FNDC3A: variants seen among roughly 807,000 people sequenced by gnomAD.
The protein encoded by FNDC3A is fibronectin type III domain containing 3A.
FNDC3A carries 32 observed loss-of-function variants against 148.9 expected under a neutral mutation model. The ratio of observed to expected loss-of-function variants is 0.21; its 90% CI spans 0.16 to 0.29. The LOEUF is 0.29. FNDC3A is among the 10% of genes least tolerant of loss of function. The pLI is 1.00. For synonymous variants in FNDC3A, 472 were observed against 473.6 expected (o/e 1.00, Z 0.04); for missense variants, 1,191 against 1,452.8 (o/e 0.82, Z 2.93).
At chr13:49,171,031 C>T (rs894185596) in intron 10 of FNDC3A, among the ~76,000 whole-genome samples, 2 of 152,046 alleles carry the variant, frequency 1.3e-5, no homozygotes, top group African/African-American at 4.8e-5. Flanking sequence ...TGGAGTTTCC[C>T]AAAGATTCTT....
chr13:49,121,433 G>C (rs1450113478), intron 4 of FNDC3A, among the ~76,000 whole-genome samples: 1 of 152,132 alleles, frequency 6.6e-6, no homozygotes, highest in Non-Finnish European at 1.5e-5. Context: ...ACAATTAAAA[G>C]AACCAGAGAA....
chr13:49,011,490 C>T (rs549516087), intron 2 of FNDC3A, among the ~76,000 whole-genome samples: 2 of 152,162 alleles, frequency 1.3e-5, no homozygotes, highest in South Asian at 4.2e-4. Flanking sequence ...CACCTCGGTC[C>T]CCCAAAGTGC....
intron 2 of FNDC3A, among the ~76,000 whole-genome samples, chr13:49,012,805 A>ATGTGTGTGTGTGTGTG (rs61137549): frequency 0.07 from 9,383 of 134,410 alleles, 436 homozygotes; most frequent in Non-Finnish European, 0.082. Flanking sequence ...GCAATTATAA[A>ATGTGTGTGTGTGTGTG]TGTGTGTGTG....
chr13:49,179,842 T>C (rs995927487), intron 14 of FNDC3A, among the ~76,000 whole-genome samples: 1 of 152,202 alleles, frequency 6.6e-6, no homozygotes, highest in African/African-American at 2.4e-5. Context: ...AACTCTGGAA[T>C]TGGCCATTTC....
At chr13:49,097,416 C>G (rs895073748) in intron 3 of FNDC3A, among the ~76,000 whole-genome samples, 1 of 151,682 alleles carries the variant, frequency 6.6e-6, no homozygotes, top group Non-Finnish European at 1.5e-5. Context: ...GGAAACGCCA[C>G]CAAAGCAAAA....
At chr13:49,034,828 T>C (rs1383351141) in intron 2 of FNDC3A, among the ~76,000 whole-genome samples, 1 of 152,010 alleles carries the variant, frequency 6.6e-6, no homozygotes, top group Non-Finnish European at 1.5e-5. Flanking sequence ...GAGCAGTGAA[T>C]TCATATTTTA....
At chr13:49,080,791 A>G (rs533880766) in intron 3 of FNDC3A, among the ~76,000 whole-genome samples, 4 of 152,202 alleles carry the variant, frequency 2.6e-5, no homozygotes, top group African/African-American at 4.8e-5. Flanking sequence ...AGCATATTTC[A>G]TAGAGAATAT....
intron 2 of FNDC3A, among the ~76,000 whole-genome samples, chr13:49,049,174 G>T (rs1875639454): frequency 2.0e-5 from 3 of 152,106 alleles, no homozygotes; most frequent in Admixed American, 2.0e-4. Context: ...CATCATGGTG[G>T]ATTATCTTTT....
intron 14 of FNDC3A, among the ~76,000 whole-genome samples, chr13:49,183,788 TGA>T (rs1885425919): frequency 6.6e-6 from 1 of 152,228 alleles, no homozygotes; most frequent in African/African-American, 2.4e-5. Flanking sequence ...TAAACTTTAC[TGA>T]GTTCTGATGG....
intron 1 of FNDC3A, among the ~76,000 whole-genome samples, chr13:48,993,923 C>G (rs1168940245): frequency 6.6e-6 from 1 of 152,146 alleles, no homozygotes; most frequent in Admixed American, 6.5e-5. Flanking sequence ...GTTTTAGTAT[C>G]TTAACAGCAA....
chr13:49,121,446 A>G (rs1422087762), intron 4 of FNDC3A, among the ~76,000 whole-genome samples: 3 of 152,242 alleles, frequency 2.0e-5, no homozygotes, highest in African/African-American at 7.2e-5. Context: ...CCAGAGAAGC[A>G]AGAGCAAACA....
At chr13:49,128,549 C>T (rs1320168683) in intron 4 of FNDC3A, among the ~76,000 whole-genome samples, 2 of 152,134 alleles carry the variant, frequency 1.3e-5, no homozygotes, top group Non-Finnish European at 2.9e-5. Flanking sequence ...CCAGACCCTA[C>T]CACATATCCT....
At chr13:49,171,833 G>C (rs1884769807) in intron 10 of FNDC3A, among the ~76,000 whole-genome samples, 1 of 152,138 alleles carries the variant, frequency 6.6e-6, no homozygotes, top group Non-Finnish European at 1.5e-5. Context: ...TGTTCGGAAA[G>C]ACTTGAGTAG....
intron 2 of FNDC3A, among the ~76,000 whole-genome samples, chr13:49,028,581 G>A (rs1873892641): frequency 1.3e-5 from 2 of 152,232 alleles, no homozygotes; most frequent in Admixed American, 1.3e-4. Flanking sequence ...AGGTTGAAAT[G>A]TAAAAGATAG....
intron 24 of FNDC3A, 35 bp from the exon 25 acceptor site, chr13:49,203,122 G>T: frequency 7.0e-7 from 1 of 1,425,470 alleles, no homozygotes; most frequent in Non-Finnish European, 9.6e-7. Flanking sequence ...TAAAAATCAA[G>T]TGGAACAGAT....
chr13:49,133,255 C>T (rs1420476581), intron 5 of FNDC3A, among the ~76,000 whole-genome samples: 1 of 152,172 alleles, frequency 6.6e-6, no homozygotes, highest in African/African-American at 2.4e-5. Flanking sequence ...AGATTAGTCT[C>T]ATCCTATTTT....
intron 3 of FNDC3A, among the ~76,000 whole-genome samples, chr13:49,090,492 G>A (rs950227699): frequency 5.3e-5 from 8 of 152,116 alleles, no homozygotes; most frequent in Non-Finnish European, 1.0e-4. Context: ...CCTCTGACTG[G>A]GGTCTGTGCT....
Position 49,208,402 on chromosome 13 carries a change from C to T in FNDC3A, c.*1007C>T, listed in dbSNP as rs1434192198. The T allele has an allele frequency of 6.6e-6, 1 of 152,606 alleles. No homozygotes were observed. The highest frequency in any genetic ancestry group is 2.4e-5 in the African/African-American group (1 of 41,434). 9.5% of individuals were successfully genotyped at this position (152,606 alleles called of 1,614,324 possible). On this transcript the variant is annotated 3_prime_UTR_variant, in exon 26 of 26. Coordinates refer to ENST00000492622, the MANE Select transcript of FNDC3A (RefSeq NM_001079673.2). ...ACCACCATCAGAATTCATAATCAAA[C>T]CTAACCTTTTTGTTTGGGGCACCAA...
At chr13:49,122,496 C>A (rs561054371) in intron 4 of FNDC3A, among the ~76,000 whole-genome samples, 10 of 152,164 alleles carry the variant, frequency 6.6e-5, no homozygotes, top group African/African-American at 2.2e-4. Context: ...GAGTTCTGGC[C>A]AGGCAGTCAG....
Sources: gnomAD v4.1 joint callset for allele counts (sites outside exome capture counted in the v4.1 genomes callset) on GRCh38, gnomAD v4.1.1 for gene constraint, MANE v1.5 for transcripts, NCBI Gene and HGNC (gene_info 2026-07-23, HGNC 2026-07-21) for gene names.